EHHADH: variants seen among roughly 807,000 people sequenced by gnomAD.
EHHADH encodes the protein peroxisomal bifunctional enzyme.
EHHADH carries 48 observed loss-of-function variants against 64.4 expected under a neutral mutation model. That is an observed-to-expected ratio of 0.75 (90% CI 0.59 to 0.95). The LOEUF is 0.95. Among genes scored for constraint, EHHADH ranks in the 40% least tolerant of loss-of-function variants. The pLI is 0.00. For missense variants in EHHADH, 854 were observed against 876.6 expected (o/e 0.97, Z 0.33); for synonymous variants, 308 against 326.7 (o/e 0.94, Z 0.62).
chr3:185,241,883 C>T (rs943005910), intron 2 of EHHADH, among the ~76,000 whole-genome samples: 7 of 152,136 alleles, frequency 4.6e-5, no homozygotes, highest in Admixed American at 2.6e-4. Context: ...AAGCCAATGT[C>T]TAGAAGGGTT....
intron 6 of EHHADH, among the ~76,000 whole-genome samples, chr3:185,200,906 G>A (rs546325063): frequency 3.3e-5 from 5 of 152,224 alleles, no homozygotes; most frequent in Admixed American, 1.3e-4. Context: ...AGGATTTTGC[G>A]GGGAGCACAA....
At chr3:185,222,808 T>C (rs1296881129) in intron 4 of EHHADH, among the ~76,000 whole-genome samples, 1 of 152,248 alleles carries the variant, frequency 6.6e-6, no homozygotes, top group East Asian at 1.9e-4. Flanking sequence ...AGATCATCAT[T>C]CTTCATAAAT....
Position 185,191,282 on chromosome 3 carries a change from A to T in EHHADH, c.*944T>A, listed in dbSNP as rs1473474865. 3 of 152,128 alleles carry T rather than the reference A, an allele frequency of 2.0e-5. No homozygotes were observed. In the East Asian group the frequency reaches 5.8e-4, roughly 29 times the overall value. 9.4% of individuals were successfully genotyped at this position (152,128 alleles called of 1,614,324 possible). ...CCTTTATTTCTTTTTATGGCTGAAT[A>T]ATATAGTCCATTGTATGGATATACC... On this transcript the variant is annotated 3_prime_UTR_variant, in exon 7 of 7. Transcript: ENST00000231887.
In EHHADH at chr3:185,204,706, G is replaced by A; in HGVS notation, c.620C>T (p.Pro207Leu). The A allele has an allele frequency of 6.2e-7, 1 of 1,613,972 alleles. No homozygotes were observed. The highest frequency in any genetic ancestry group is 1.1e-5 in the South Asian group (1 of 91,070). ...RLCNKPIQSL[P>L]NMDSIFSEAL... ...CTCACTAAAAATGCTGTCCATGTTG[G>A]GCAAGCTCTGAATTGGCTTGTTGCA... Residue 207 changes from proline (P) to leucine (L), a missense_variant, in exon 6 of 7, where the codon CCC becomes CTC. By Grantham distance (98) the Pro-to-Leu change is moderately conservative. Transcript: ENST00000231887.
rs1577350723 is a variant in EHHADH at position 185,192,560 on chromosome 3, G to A, written c.1838C>T (p.Thr613Ile). ...TTCAAGGATCTCATCCTGGCTAATG[G>A]TACGTGGTTCAATGTGATGGGTTTT... ...YRKTHHIEPR[T>I]ISQDEILERC... The change falls in exon 7 of 7, where the codon ACC (threonine) becomes ATC (isoleucine). Residue 613 changes from threonine (T) to isoleucine (I), a missense_variant. Physicochemically the swap from Thr to Ile is moderately conservative, Grantham distance 89 (BLOSUM62 -1). Transcript: ENST00000231887. The A allele has an allele frequency of 1.2e-6, 2 of 1,614,180 alleles. No individual in the cohort carries two copies. The highest frequency in any genetic ancestry group is 3.3e-4 in the Middle Eastern group (2 of 6,062).
chr3:185,193,097 A>G lies in EHHADH; in HGVS notation c.1301T>C (p.Phe434Ser). 6.2e-7 allele frequency: 1 copy of G among 1,613,876 alleles called. No individual in the cohort carries two copies. The highest frequency in any genetic ancestry group is 8.5e-7 in the Non-Finnish European group (1 of 1,179,840). Reference sequence around the variant, plus strand: ...CAACTTCATGACATGAGCTGGCGAAAAGAAGTGGGTGCCAATGACCAAGTG... The same window carrying G: ...CAACTTCATGACATGAGCTGGCGAAGAGAAGTGGGTGCCAATGACCAAGTG... ...RPHLVIGTHF[F>S]SPAHVMKLLE... is the part of the protein sequence containing the mutation. The change falls in exon 7 of 7, where the codon TTT becomes TCT. Residue 434 changes from phenylalanine (F) to serine (S), a missense_variant. Transcript: ENST00000231887.
intron 1 of EHHADH, among the ~76,000 whole-genome samples, chr3:185,249,423 C>A (rs1719685361): frequency 6.6e-6 from 1 of 152,170 alleles, no homozygotes. Flanking sequence ...CCACCGCGCC[C>A]AGCCTGGTTT....
At chr3:185,210,255 T>G (rs1018585156) in intron 5 of EHHADH, among the ~76,000 whole-genome samples, 1 of 152,202 alleles carries the variant, frequency 6.6e-6, no homozygotes, top group African/African-American at 2.4e-5. Context: ...ATCAGATTTA[T>G]TTGAAGAGTT....
intron 2 of EHHADH, chr3:185,246,269 C>A: frequency 1.2e-6 from 1 of 840,768 alleles, no homozygotes; most frequent in Non-Finnish European, 1.9e-6. Context: ...TCCTACTGTC[C>A]TCATTGTCAG....
chr3:185,236,224 C>G (rs899815299), intron 2 of EHHADH, among the ~76,000 whole-genome samples: 1 of 152,150 alleles, frequency 6.6e-6, no homozygotes, highest in Non-Finnish European at 1.5e-5. Flanking sequence ...TCTGTCAGAT[C>G]AGTAGCGGCA....
At chr3:185,235,654 A>C (rs1719271309) in intron 2 of EHHADH, among the ~76,000 whole-genome samples, 192 bp from the exon 3 acceptor site, 1 of 152,200 alleles carries the variant, frequency 6.6e-6, no homozygotes, top group Non-Finnish European at 1.5e-5. Context: ...GAAAACAAGT[A>C]TATTGGAGAA....
rs1435272120 is a variant in EHHADH at position 185,218,136 on chromosome 3, C to T, written c.568G>A (p.Asp190Asn). 1 of 1,595,960 alleles carries T rather than the reference C, an allele frequency of 6.3e-7. No homozygotes were observed. Among genetic ancestry groups the T allele is most frequent in the East Asian group, 2.3e-5 (1 of 44,020 alleles). ...EAIRFAQRVS[D>N]QPLESRRLCN... ...GCTATTTTTATTATTATCTTCTTAC[C>T]TGAAACTCTCTGAGCAAATCTGATT... is the stretch of plus-strand genomic sequence containing the variant. Residue 190 changes from aspartate (D) to asparagine (N), a missense_variant and splice_region_variant, in exon 5 of 7, where the codon GAT (aspartate) becomes AAT (asparagine). Coordinates refer to ENST00000231887, the MANE Select transcript of EHHADH (RefSeq NM_001966.4).
intron 5 of EHHADH, among the ~76,000 whole-genome samples, chr3:185,215,369 C>A (rs1031144962): frequency 5.3e-5 from 8 of 151,986 alleles, no homozygotes; most frequent in Admixed American, 6.6e-5. Flanking sequence ...AGGAATGGCT[C>A]TCAAAAACAT....
intron 2 of EHHADH, among the ~76,000 whole-genome samples, chr3:185,247,465 C>G (rs1029503374): frequency 6.6e-5 from 10 of 152,080 alleles, no homozygotes; most frequent in Admixed American, 2.6e-4. Context: ...CTCCCAGGCT[C>G]AAAATCTCTT....
intron 6 of EHHADH, among the ~76,000 whole-genome samples, chr3:185,198,904 T>C (rs548272417): frequency 6.6e-6 from 1 of 151,082 alleles, no homozygotes; most frequent in East Asian, 1.9e-4. Context: ...GTGAATTTTA[T>C]ATGTGAGTTA....
chr3:185,198,968 G>A (rs1302114225), intron 6 of EHHADH, among the ~76,000 whole-genome samples: 4 of 152,030 alleles, frequency 2.6e-5, no homozygotes, highest in African/African-American at 7.3e-5. Context: ...AACCTTCAGG[G>A]AGCTTCTGAT....
In EHHADH at chr3:185,190,791, T is replaced by C. The variant is rs958573750; in HGVS notation, c.*1435A>G. On this transcript the variant is annotated 3_prime_UTR_variant, in exon 7 of 7. Coordinates refer to ENST00000231887, the MANE Select transcript of EHHADH (RefSeq NM_001966.4). ...TTGCTTTTTAACAACGGAAAACTTA[T>C]ACTCCATTCAAGATTTTTCCATCAG... is the stretch of plus-strand genomic sequence containing the variant. 4.6e-5 allele frequency: 7 copies of C among 152,252 alleles called. No homozygotes were observed. Among genetic ancestry groups the C allele is most frequent in the Admixed American group, 6.5e-5 (1 of 15,288 alleles). 9.4% of individuals were successfully genotyped at this position (152,252 alleles called of 1,614,324 possible).
intron 6 of EHHADH, among the ~76,000 whole-genome samples, chr3:185,200,793 C>T (rs1017291087): frequency 5.3e-5 from 8 of 152,122 alleles, no homozygotes; most frequent in Admixed American, 2.0e-4. Flanking sequence ...GGTGTGAGAA[C>T]GTGAACTTGC....
chr3:185,241,597 A>G (rs901692771), intron 2 of EHHADH, among the ~76,000 whole-genome samples: 1 of 152,036 alleles, frequency 6.6e-6, no homozygotes, highest in Non-Finnish European at 1.5e-5. Flanking sequence ...AATTGTGTAT[A>G]TTCTTTTGAG....
Sources: gnomAD v4.1 joint callset for allele counts (sites outside exome capture counted in the v4.1 genomes callset) on GRCh38, gnomAD v4.1.1 for gene constraint, MANE v1.5 for transcripts, NCBI Gene and HGNC (gene_info 2026-07-23, HGNC 2026-07-21) for gene names.